Variants in BCKDHB observed in about 807,000 individuals in gnomAD.
The protein encoded by BCKDHB is 2-oxoisovalerate dehydrogenase subunit beta, mitochondrial.
In BCKDHB, 41 loss-of-function variants were observed where a neutral mutation model predicts 48.5. The ratio of observed to expected loss-of-function variants is 0.85; its 90% CI spans 0.66 to 1.10. The LOEUF (loss-of-function observed/expected upper bound fraction) is 1.10, where lower values mean the gene tolerates loss of function less well. Among genes scored for constraint, BCKDHB ranks in the 50% least tolerant of loss-of-function variants. The pLI, the probability that BCKDHB is intolerant of heterozygous loss-of-function variation, is 0.00. For synonymous variants in BCKDHB, 201 were observed against 174.8 expected, an observed-to-expected ratio of 1.15 and a Z score of -1.18; for missense variants, 496 against 494.2, an observed-to-expected ratio of 1.00 and a Z score of -0.03.
At chr6:80,110,475 C>A (rs1038276759) in intron 1 of BCKDHB, among the ~76,000 whole-genome samples, 4 of 152,202 alleles carry the variant, frequency 2.6e-5, no homozygotes, top group African/African-American at 9.7e-5. Context: ...TAATTAATTG[C>A]AGACCCCTCA....
chr6:80,410,133 G>T, the BCKDHB span, among the ~76,000 whole-genome samples: 1 of 152,068 alleles, frequency 6.6e-6, no homozygotes, highest in Non-Finnish European at 1.5e-5. Flanking sequence ...CTCTTGTAAG[G>T]CAGGCCTGGT....
At chr6:80,386,552 T>C in the BCKDHB span, among the ~76,000 whole-genome samples, 1 of 152,160 alleles carries the variant, frequency 6.6e-6, no homozygotes, top group Admixed American at 6.5e-5. Context: ...GGAACTGTAG[T>C]CACTCAACTA....
chr6:80,203,089 CTCT>C lies in BCKDHB; in HGVS notation c.841-11_841-9del. 6.3e-7 allele frequency: 1 copy of C among 1,578,408 alleles called. No homozygotes were observed. The highest frequency in any genetic ancestry group is 8.7e-7 in the Non-Finnish European group (1 of 1,147,960). ...TTGTAGTCATTCTCTGCATATTTTT[CTCT>C]TTATTTCAGGTTCATGTGATCCGAG... is the stretch of plus-strand genomic sequence containing the variant. On this transcript the variant is annotated splice_polypyrimidine_tract_variant and intron_variant, in intron 7 of 9. Transcript: ENST00000320393.
At chr6:80,406,044 C>T in the BCKDHB span, among the ~76,000 whole-genome samples, 1 of 151,988 alleles carries the variant, frequency 6.6e-6, no homozygotes, top group Non-Finnish European at 1.5e-5. Context: ...TCTCATTGTT[C>T]AATTCCCACC....
intron 9 of BCKDHB, among the ~76,000 whole-genome samples, chr6:80,308,402 G>A (rs1767980524): frequency 6.6e-6 from 1 of 152,034 alleles, no homozygotes; most frequent in African/African-American, 2.4e-5. Flanking sequence ...AGAAATAAAA[G>A]AGCAAAAATA....
At chr6:80,107,415 TTGTGTGTATG>T (rs1163718634) in intron 1 of BCKDHB, among the ~76,000 whole-genome samples, 25 of 91,850 alleles carry the variant, frequency 2.7e-4, no homozygotes, top group South Asian at 2.6e-3. Flanking sequence ...CATACAGAAA[TTGTGTGTATG>T]TGTGTGTGTG....
chr6:80,121,750 T>G (rs1770032392), intron 1 of BCKDHB, among the ~76,000 whole-genome samples: 1 of 152,236 alleles, frequency 6.6e-6, no homozygotes, highest in Non-Finnish European at 1.5e-5. Context: ...TAAGGAGATT[T>G]TGGGCTGAGA....
In BCKDHB at chr6:80,345,539, A is replaced by G. The variant is rs1014150977; in HGVS notation, c.*1735A>G. On this transcript the variant is annotated 3_prime_UTR_variant, in exon 10 of 10. Transcript: ENST00000320393. The stretch of plus-strand genomic sequence containing the variant: ...ATTTTCTGTCTGTTCTAGTCTAAGA[A>G]TATTGTTATAGATGGAAGTTAGGAC... 4 of 152,214 alleles carry G rather than the reference A, an allele frequency of 2.6e-5. No homozygotes were observed. The allele number at this position is 152,214 out of a possible 1,614,324, so 9.4% of individuals were successfully genotyped here.
chr6:80,430,338 G>A, the BCKDHB span, among the ~76,000 whole-genome samples: 400 of 152,192 alleles, frequency 2.6e-3, 5 homozygotes, highest in African/African-American at 9.1e-3. Flanking sequence ...TTTTTGTTGT[G>A]TGTCTGCCAG....
the BCKDHB span, among the ~76,000 whole-genome samples, chr6:80,354,417 C>T: frequency 3.8e-4 from 58 of 152,096 alleles, no homozygotes; most frequent in African/African-American, 1.1e-3. Context: ...TTAGTAGAGA[C>T]GGGGTTTCAC....
the BCKDHB span, among the ~76,000 whole-genome samples, chr6:80,395,305 G>A: frequency 1.3e-5 from 2 of 152,198 alleles, no homozygotes; most frequent in African/African-American, 2.4e-5. Context: ...ACAGGAAGAT[G>A]TGGGAAAGTT....
intron 8 of BCKDHB, among the ~76,000 whole-genome samples, chr6:80,249,195 T>C (rs1444384742): frequency 1.3e-5 from 2 of 151,886 alleles, no homozygotes; most frequent in African/African-American, 4.8e-5. Context: ...TCCCCAGTTG[T>C]GGTGACCAAA....
Position 80,305,240 on chromosome 6 carries a change from G to A in BCKDHB, c.1038+32019G>A, listed in dbSNP as rs573119695. ...TATGGTAGTGACTATAGGTATCTGG[G>A]GATAATCTTTAAAAAATCATTTGAG... On this transcript the variant is annotated intron_variant, in intron 9 of 9. Transcript: ENST00000320393. Among the ~76,000 whole-genome samples the A allele has an allele frequency of 2.1e-3, 318 of 151,844 alleles. 4 individuals are homozygous for A. Among genetic ancestry groups the A allele is most frequent in the Non-Finnish European group, 4.0e-3 (274 of 67,876 alleles).
intron 6 of BCKDHB, among the ~76,000 whole-genome samples, chr6:80,191,273 G>A (rs974670063): frequency 3.3e-5 from 5 of 152,026 alleles, no homozygotes; most frequent in East Asian, 3.9e-4. Flanking sequence ...TGTATTCCCC[G>A]TATATCTTTC....
intron 8 of BCKDHB, among the ~76,000 whole-genome samples, chr6:80,224,885 A>T (rs1775615736): frequency 6.6e-6 from 1 of 152,172 alleles, no homozygotes; most frequent in Non-Finnish European, 1.5e-5. Flanking sequence ...TCAAGGTGAC[A>T]CCCTGACAGA....
the BCKDHB span, among the ~76,000 whole-genome samples, chr6:80,384,028 T>C: frequency 8.4e-6 from 1 of 118,994 alleles, no homozygotes; most frequent in Non-Finnish European, 1.8e-5. Flanking sequence ...TCACATAGTT[T>C]TTTTCCCCCA....
At chr6:80,280,831 A>G (rs1027298143) in intron 9 of BCKDHB, among the ~76,000 whole-genome samples, 9 of 152,232 alleles carry the variant, frequency 5.9e-5, no homozygotes, top group Admixed American at 3.3e-4. Flanking sequence ...AGAAAGGTGA[A>G]TTTTTCAGAT....
At chr6:80,213,621 A>C (rs1227268103) in intron 8 of BCKDHB, among the ~76,000 whole-genome samples, 2 of 151,594 alleles carry the variant, frequency 1.3e-5, no homozygotes, top group East Asian at 3.9e-4. Context: ...CTCTCTGCCC[A>C]AAGCAATCTC....
At chr6:80,374,559 T>C in the BCKDHB span, 65 of 682,944 alleles carry the variant, frequency 9.5e-5, no homozygotes, top group East Asian at 1.4e-3. Context: ...GTCAAGTGTA[T>C]AGGGCACCAT....
Sources: gnomAD v4.1 joint callset for allele counts (sites outside exome capture counted in the v4.1 genomes callset) on GRCh38, gnomAD v4.1.1 for gene constraint, MANE v1.5 for transcripts, NCBI Gene and HGNC (gene_info 2026-07-23, HGNC 2026-07-21) for gene names.